CBL: variants seen among roughly 807,000 people sequenced by gnomAD.
CBL encodes E3 ubiquitin-protein ligase CBL.
Under a neutral mutation model 96.9 loss-of-function variants are expected in CBL, and 45 were observed. The ratio of observed to expected loss-of-function variants is 0.46; its 90% CI spans 0.37 to 0.60. The LOEUF (loss-of-function observed/expected upper bound fraction) is 0.60, where lower values mean the gene tolerates loss of function less well. Ranked by LOEUF, CBL falls within the 20% of genes least tolerant of loss-of-function variation. The pLI, the probability that CBL is intolerant of heterozygous loss-of-function variation, is 0.00. For synonymous variants in CBL, 420 were observed against 426.8 expected (o/e 0.98, Z 0.20); for missense variants, 1,024 against 1,143.5 (o/e 0.90, Z 1.51).
chr11:119,273,111 CGT>C (rs1949861138), intron 3 of CBL, among the ~76,000 whole-genome samples: 1 of 151,962 alleles, frequency 6.6e-6, no homozygotes, highest in Non-Finnish European at 1.5e-5. Flanking sequence ...TGGGACTACA[CGT>C]GTGTGCTGCC....
At position 119,206,397 on chromosome 11, in the gene CBL, G is replaced by A; in HGVS notation, c.-21G>A. ...CGAGCCGAGCCGGCGGACCCGCCTG[G>A]GCTCCGACCCTGCCCAGGCCATGGC... On this transcript the variant is annotated 5_prime_UTR_variant, in exon 1 of 16. Coordinates refer to ENST00000264033, the MANE Select transcript of CBL (RefSeq NM_005188.4). 1 of 1,514,996 alleles carries A rather than the reference G, an allele frequency of 6.6e-7. No homozygotes were observed. Among genetic ancestry groups the A allele is most frequent in the Non-Finnish European group, 8.8e-7 (1 of 1,135,498 alleles). 93.8% of individuals were successfully genotyped at this position (1,514,996 alleles called of 1,614,324 possible). A position where few individuals can be genotyped will look rare whatever the true frequency, so the allele number is the denominator to read the frequency against.
At chr11:119,272,150 C>G (rs1401826954) in intron 3 of CBL, among the ~76,000 whole-genome samples, 2 of 152,202 alleles carry the variant, frequency 1.3e-5, no homozygotes, top group African/African-American at 4.8e-5. Context: ...GAGACGGAGT[C>G]TTGCTCTGTT....
chr11:119,224,419 G>C (rs1436293007), intron 1 of CBL, among the ~76,000 whole-genome samples: 2 of 151,922 alleles, frequency 1.3e-5, no homozygotes, highest in Admixed American at 1.3e-4. Context: ...CCCATTGAAA[G>C]TCACACATAA....
intron 1 of CBL, among the ~76,000 whole-genome samples, chr11:119,218,913 T>G (rs1949384765): frequency 6.6e-6 from 1 of 152,212 alleles, no homozygotes; most frequent in South Asian, 2.1e-4. Flanking sequence ...ATGAATCTTC[T>G]ACTCATGAAA....
intron 2 of CBL, among the ~76,000 whole-genome samples, chr11:119,265,958 T>G (rs1285203975): frequency 1.5e-5 from 2 of 136,076 alleles, no homozygotes; most frequent in Admixed American, 8.1e-5. Context: ...GGAGAGAGGG[T>G]GCAGTGAGCC....
intron 2 of CBL, among the ~76,000 whole-genome samples, chr11:119,253,596 GTGGA>G (rs1555228038): frequency 0.016 from 166 of 10,632 alleles, no homozygotes; most frequent in Middle Eastern, 0.079. Context: ...AACCTGGGAG[GTGGA>G]AGTTGCAGTG....
intron 15 of CBL, 60 bp from the exon 16 acceptor site, chr11:119,299,435 G>A: frequency 6.9e-7 from 1 of 1,452,152 alleles, no homozygotes; most frequent in East Asian, 2.3e-5. Flanking sequence ...CATTTTTATT[G>A]CTGTTGTTAA....
rs1950120142 is a variant in CBL, at chr11:119,304,252, C to G, written c.*4471C>G. 1 of 233,310 alleles carries G rather than the reference C, an allele frequency of 4.3e-6. No individual in the cohort carries two copies. Among genetic ancestry groups the G allele is most frequent in the African/African-American group, 2.2e-5 (1 of 45,468 alleles). 14.5% of individuals were successfully genotyped at this position (233,310 alleles called of 1,614,324 possible). On this transcript the variant is annotated 3_prime_UTR_variant, in exon 16 of 16. Coordinates refer to ENST00000264033, the MANE Select transcript of CBL (RefSeq NM_005188.4). The stretch of plus-strand genomic sequence containing the variant: ...TTACTATCACTCCTTTGAACTCAGT[C>G]TCCATGAGCAGTGTTTTGTTGGAAA...
intron 2 of CBL, among the ~76,000 whole-genome samples, chr11:119,254,328 C>A (rs1321934079): frequency 6.6e-6 from 1 of 152,096 alleles, no homozygotes; most frequent in African/African-American, 2.4e-5. Flanking sequence ...TAAGTGCAAC[C>A]ATGTATTGCT....
intron 1 of CBL, among the ~76,000 whole-genome samples, chr11:119,227,533 A>G (rs907293918): frequency 6.6e-6 from 1 of 151,458 alleles, no homozygotes. Flanking sequence ...TTTTAATTCT[A>G]TAGTGAACCT....
At chr11:119,296,455 A>T (rs184437385) in intron 12 of CBL, among the ~76,000 whole-genome samples, 1 of 151,832 alleles carries the variant, frequency 6.6e-6, no homozygotes, top group Non-Finnish European at 1.5e-5. Flanking sequence ...CGGTCGCTTT[A>T]TCTCTCTCTA....
intron 1 of CBL, among the ~76,000 whole-genome samples, chr11:119,213,998 G>A (rs1294715843): frequency 6.6e-6 from 1 of 152,106 alleles, no homozygotes; most frequent in African/African-American, 2.4e-5. Context: ...AGGCTGGAGT[G>A]CAGTTGCGTA....
chr11:119,208,197 A>G (rs983935712), intron 1 of CBL, among the ~76,000 whole-genome samples: 3 of 152,300 alleles, frequency 2.0e-5, no homozygotes, highest in South Asian at 4.1e-4. Flanking sequence ...AAGATATTCA[A>G]ATGCTAAAGT....
At chr11:119,221,387 A>T (rs2135257253) in intron 1 of CBL, among the ~76,000 whole-genome samples, 1 of 152,198 alleles carries the variant, frequency 6.6e-6, no homozygotes, top group South Asian at 2.1e-4. Context: ...CCCCATCTCT[A>T]TTTTTATTTA....
chr11:119,299,799 G>A lies in CBL; in HGVS notation c.*18G>A. 6.2e-7 allele frequency: 1 copy of A among 1,613,002 alleles called. No homozygotes were observed. Among genetic ancestry groups the A allele is most frequent in the Non-Finnish European group, 8.5e-7 (1 of 1,179,672 alleles). On this transcript the variant is annotated 3_prime_UTR_variant, in exon 16 of 16. Coordinates refer to ENST00000264033, the MANE Select transcript of CBL (RefSeq NM_005188.4). ...CTACCTAGCACACCATCTCCCTGCT[G>A]CAGGTTTAGAGGACCAGTGAGTTGG...
At position 119,248,008 on chromosome 11, in the gene CBL, T is replaced by C. The variant is rs1949645151; in HGVS notation, c.443+15313T>C. On this transcript the variant is annotated intron_variant, in intron 2 of 15. Coordinates refer to ENST00000264033, the MANE Select transcript of CBL (RefSeq NM_005188.4). ...CCTAAATAAATGGAGAGACATTCTG[T>C]GTTCATGGATTATAACTTAGAATTG... is the stretch of plus-strand genomic sequence containing the variant. Among the ~76,000 whole-genome samples the C allele has an allele frequency of 1.3e-5, 2 of 152,228 alleles. 1 individual carries two copies. Among genetic ancestry groups the C allele is most frequent in the South Asian group, 4.1e-4 (2 of 4,832 alleles).
At chr11:119,256,753 A>T (rs913859490) in intron 2 of CBL, among the ~76,000 whole-genome samples, 16 of 149,024 alleles carry the variant, frequency 1.1e-4, no homozygotes, top group Non-Finnish European at 2.1e-4. Context: ...AAAGTCCATT[A>T]TACCAATCTG....
chr11:119,300,885 A>C lies in CBL; in HGVS notation c.*1104A>C, dbSNP rs915483174. 3.9e-5 allele frequency: 11 copies of C among 281,748 alleles called. No homozygotes were observed. Among genetic ancestry groups the C allele is most frequent in the African/African-American group, 2.4e-4 (11 of 46,786 alleles). 17.5% of individuals were successfully genotyped at this position (281,748 alleles called of 1,614,324 possible). A position where few individuals can be genotyped will look rare whatever the true frequency, so the allele number is the denominator to read the frequency against. ...CGTTCACATGCTATTTAAATGCACA[A>C]AATAGACAGTAAGGATTTATCTGTT... is the stretch of plus-strand genomic sequence containing the variant. On this transcript the variant is annotated 3_prime_UTR_variant, in exon 16 of 16. Transcript: ENST00000264033.
intron 2 of CBL, among the ~76,000 whole-genome samples, chr11:119,238,729 G>A (rs563636462): frequency 6.6e-6 from 1 of 152,170 alleles, no homozygotes; most frequent in African/African-American, 2.4e-5. Context: ...TACTCTGGAG[G>A]CTGAGGCAGG....
Sources: gnomAD v4.1 joint callset for allele counts (sites outside exome capture counted in the v4.1 genomes callset) on GRCh38, gnomAD v4.1.1 for gene constraint, MANE v1.5 for transcripts, NCBI Gene and HGNC (gene_info 2026-07-23, HGNC 2026-07-21) for gene names.